The following CD74 variants were observed in gnomAD, a reference collection of about 807,000 sequenced individuals.
CD74 encodes CD74 molecule, also known as HLA class II histocompatibility antigen gamma chain.
CD74 carries 20 observed loss-of-function variants against 37.1 expected under a neutral mutation model. The observed-to-expected ratio is 0.54, with a 90% CI of 0.38 to 0.78. CD74 has a LOEUF of 0.78. CD74 is among the 30% of genes least tolerant of loss of function. CD74 has a pLI of 0.00. For synonymous variants in CD74, 150 were observed against 152.0 expected, an observed-to-expected ratio of 0.99 and a Z score of 0.10; for missense variants, 338 against 389.5, an observed-to-expected ratio of 0.87 and a Z score of 1.11.
chr5:150,404,404 C>G (rs1769822057), intron 6 of CD74: 4 of 446,574 alleles, frequency 9.0e-6, no homozygotes, highest in Non-Finnish European at 1.7e-5. Flanking sequence ...CTGTACCATC[C>G]TCTATGAGAG....
At chr5:150,404,641 C>CTT (rs1165420500) in intron 6 of CD74, 39 bp downstream of exon 6, 2 of 1,369,424 alleles carry the variant, frequency 1.5e-6, no homozygotes, top group African/African-American at 2.9e-5. Flanking sequence ...CCCCGAGGGT[C>CTT]CAGAAGCCCT....
chr5:150,404,629 AGCCCC>A (rs1351329629), intron 6 of CD74, 46 bp downstream of exon 6: 1 of 1,172,906 alleles, frequency 8.5e-7, no homozygotes, highest in African/African-American at 1.5e-5. Flanking sequence ...GCTTCAGGAG[AGCCCC>A]GAGGGTCCAG....
Position 150,412,800 on chromosome 5 carries a change from A to T in CD74, c.-51T>A. On this transcript the variant is annotated 5_prime_UTR_variant, in exon 1 of 9. Transcript: ENST00000009530. ...CTCTTAAAGTCGGTGCTGGAGAGGA[A>T]TCTGATTCGTCCACAGAAGGCCACT... 6 of 1,610,382 alleles carry T rather than the reference A, an allele frequency of 3.7e-6. No individual in the cohort carries two copies. The highest frequency in any genetic ancestry group is 5.1e-6 in the Non-Finnish European group (6 of 1,178,672).
chr5:150,404,204 C>G (rs1769807927), intron 6 of CD74, among the ~76,000 whole-genome samples: 1 of 152,194 alleles, frequency 6.6e-6, no homozygotes, highest in East Asian at 1.9e-4. Context: ...GGGATAGAAA[C>G]AGCACTCTGT....
At chr5:150,412,071 T>C (rs1300064646) in intron 1 of CD74, among the ~76,000 whole-genome samples, 2 of 152,228 alleles carry the variant, frequency 1.3e-5, no homozygotes, top group Non-Finnish European at 2.9e-5. Flanking sequence ...TTGAAGTGAT[T>C]CTCATGTCTC....
chr5:150,405,161 A>G lies in CD74; in HGVS notation c.461T>C (p.Val154Ala), dbSNP rs1769882617. 2.5e-6 allele frequency: 4 copies of G among 1,606,626 alleles called. No homozygotes were observed. The South Asian group carries it at 4.4e-5, about 18-fold the overall frequency. ...HLLQNADPLKVYPPLKGSFPE... is the reference protein window; with the variant it reads ...HLLQNADPLKAYPPLKGSFPE... ...GAAGCTCCCCTTCAGTGGCGGGTAC[A>G]CCTTCAGGGGGTCAGCATTCTACAG... The change falls in exon 5 of 9, where the codon GTG (valine) becomes GCG (alanine). Residue 154 changes from valine to alanine, a missense_variant. Physicochemically the swap from Val to Ala is moderately conservative, Grantham distance 64. Transcript: ENST00000009530.
chr5:150,405,744 T>A (rs928396124), intron 4 of CD74: 1 of 156,864 alleles, frequency 6.4e-6, no homozygotes, highest in East Asian at 1.9e-4. Context: ...ACTTCCAAAC[T>A]TTGAGCCTCA....
intron 1 of CD74, among the ~76,000 whole-genome samples, chr5:150,410,679 TAAAAA>T (rs753661401): frequency 5.0e-4 from 55 of 110,402 alleles, no homozygotes; most frequent in African/African-American, 1.6e-3. Flanking sequence ...CTTCTGCAAT[TAAAAA>T]AAAAAAAAAA....
chr5:150,407,607 T>C lies in CD74; in HGVS notation c.126-283A>G, dbSNP rs977101279. On this transcript the variant is annotated intron_variant, in intron 1 of 8. Coordinates refer to ENST00000009530, the MANE Select transcript of CD74 (RefSeq NM_001025159.3). The surrounding 1 kb of genome is among the most constrained non-coding windows in gnomAD (Gnocchi z 4.4). ...TTGAACAGAGAAGAGCAAAGAGGCATGCTCTTTGTCCTCTCTGGACCTTAG... is the reference window on the plus strand; with the variant it reads ...TTGAACAGAGAAGAGCAAAGAGGCACGCTCTTTGTCCTCTCTGGACCTTAG... 1.3e-5 allele frequency among the ~76,000 whole-genome samples: 2 copies of C among 152,060 alleles called. No individual in the cohort carries two copies. The highest frequency in any genetic ancestry group is 2.9e-5 in the Non-Finnish European group (2 of 68,006).
intron 5 of CD74, 90 bp downstream of exon 5, chr5:150,404,995 C>T: frequency 1.6e-6 from 2 of 1,236,432 alleles, no homozygotes; most frequent in Non-Finnish European, 2.3e-6. Flanking sequence ...CTGAGAATGG[C>T]TTCCCCAGCC....
chr5:150,403,764 CAGG>C lies in CD74; in HGVS notation c.626-455_626-453del, dbSNP rs1176568798. Among the ~76,000 whole-genome samples the C allele has an allele frequency of 2.0e-5, 3 of 152,312 alleles. No individual in the cohort carries two copies. In the East Asian group the frequency reaches 5.8e-4, roughly 29 times the overall value. On this transcript the variant is annotated intron_variant, in intron 6 of 8. Transcript: ENST00000009530. This position sits in a 1 kb window ranked among gnomAD's most constrained non-coding sequence, Gnocchi z 4.5. ...ATCCCAGCTACTCGGGAGGCCGAGG[CAGG>C]AGAATTGCTTGAACCCGGGAGGCTG...
rs1358550927 is a variant in CD74 at position 150,401,915 on chromosome 5, C to T, written c.*325G>A. On this transcript the variant is annotated 3_prime_UTR_variant, in exon 9 of 9. Coordinates refer to ENST00000009530, the MANE Select transcript of CD74 (RefSeq NM_001025159.3). ...GTTATCCCTTCTCCCTGTGCCTTCC[C>T]ATCTCGTCCATGAGCCTAGGTCTTG... The T allele has an allele frequency of 7.5e-6, 6 of 801,242 alleles. No individual in the cohort carries two copies. In the Admixed American group the frequency reaches 8.0e-5, roughly 11 times the overall value. 49.6% of individuals were successfully genotyped at this position (801,242 alleles called of 1,614,324 possible). A position where few individuals can be genotyped will look rare whatever the true frequency, so the allele number is the denominator to read the frequency against.
Position 150,401,851 on chromosome 5 carries a change from A to G in CD74, c.*389T>C. 1 of 678,356 alleles carries G rather than the reference A, an allele frequency of 1.5e-6. No homozygotes were observed. Among genetic ancestry groups the G allele is most frequent in the Non-Finnish European group, 2.7e-6 (1 of 373,698 alleles). 42.0% of individuals were successfully genotyped at this position (678,356 alleles called of 1,614,324 possible). On this transcript the variant is annotated 3_prime_UTR_variant, in exon 9 of 9. Coordinates refer to ENST00000009530, the MANE Select transcript of CD74 (RefSeq NM_001025159.3). ...GCCAAGGCCAAAGGCTGGAGGGGAG[A>G]GGACAGTCAGCATGTCCAGCCTGGG...
chr5:150,404,441 G>T (rs2151175585), intron 6 of CD74: 1 of 526,144 alleles, frequency 1.9e-6, no homozygotes, highest in Non-Finnish European at 3.5e-6. Flanking sequence ...GTGGTGACAG[G>T]CCTCTGTGGG....
At position 150,407,720 on chromosome 5, in the gene CD74, C is replaced by G. The variant is rs1770066677; in HGVS notation, c.126-396G>C. The stretch of plus-strand genomic sequence containing the variant: ...GGATCTCCTGATGATCAGGGCTGCC[C>G]TCAAGGGGAACAGGTTTGGTTTTTG... On this transcript the variant is annotated intron_variant, in intron 1 of 8. Coordinates refer to ENST00000009530, the MANE Select transcript of CD74 (RefSeq NM_001025159.3). This position sits in a 1 kb window ranked among gnomAD's most constrained non-coding sequence, Gnocchi z 4.4. Among the ~76,000 whole-genome samples the G allele has an allele frequency of 6.6e-6, 1 of 152,036 alleles. No individual in the cohort carries two copies. Among genetic ancestry groups the G allele is most frequent in the African/African-American group, 2.4e-5 (1 of 41,360 alleles).
rs566210014 is a variant in CD74, at chr5:150,402,156, G to A, written c.*84C>T. On this transcript the variant is annotated 3_prime_UTR_variant, in exon 9 of 9. Coordinates refer to ENST00000009530, the MANE Select transcript of CD74 (RefSeq NM_001025159.3). The surrounding 1 kb of genome is among the most constrained non-coding windows in gnomAD (Gnocchi z 4.2). ...TGGGATGAGGTACAGGGTGGGAGAT[G>A]GGGGAGGGGCTGGGGGCTGAAGGGA... 1.7e-5 allele frequency: 26 copies of A among 1,557,222 alleles called. No individual in the cohort carries two copies. Among genetic ancestry groups the A allele is most frequent in the Non-Finnish European group, 2.0e-5 (23 of 1,149,960 alleles).
In CD74 at chr5:150,402,120, C is replaced by T. The variant is rs2151165121; in HGVS notation, c.*120G>A. 2 of 1,548,748 alleles carry T rather than the reference C, an allele frequency of 1.3e-6. No individual in the cohort carries two copies. Among genetic ancestry groups the T allele is most frequent in the South Asian group, 1.2e-5 (1 of 83,914 alleles). On this transcript the variant is annotated 3_prime_UTR_variant, in exon 9 of 9. Transcript: ENST00000009530. The surrounding 1 kb of genome is among the most constrained non-coding windows in gnomAD (Gnocchi z 4.2). Reference sequence around the variant, plus strand: ...CCAAGGGTGACGAAAGAGCCAGGCACCAGGGTCTCATGGGATGAGGTACAG... The same window carrying T: ...CCAAGGGTGACGAAAGAGCCAGGCATCAGGGTCTCATGGGATGAGGTACAG...
rs1438366150 is a variant in CD74, at chr5:150,404,754, C to T, written c.551G>A (p.Trp184Ter). 6.3e-7 allele frequency: 1 copy of T among 1,579,798 alleles called. No individual in the cohort carries two copies. The highest frequency in any genetic ancestry group is 8.6e-7 in the Non-Finnish European group (1 of 1,162,004). Residue 184 changes from tryptophan to a stop codon, truncating the protein, a stop_gained, in exon 6 of 9, where the codon TGG becomes TAG. Coordinates refer to ENST00000009530, the MANE Select transcript of CD74 (RefSeq NM_001025159.3). LOFTEE classifies it high-confidence loss of function. ...TTCAAACAGGAGCCAATGGTGCATC[C>T]AGCTCTCAAAGACCTAATACGGATA... ...ETIDWKVFES[W>*]MHHWLLFEMS...
rs1018975073 is a variant in CD74, at chr5:150,402,060, A to G, written c.*180T>C. The G allele has an allele frequency of 1.6e-5, 24 of 1,538,368 alleles. No individual in the cohort carries two copies. Among genetic ancestry groups the G allele is most frequent in the Non-Finnish European group, 1.9e-5 (22 of 1,146,800 alleles). On this transcript the variant is annotated 3_prime_UTR_variant, in exon 9 of 9. Transcript: ENST00000009530. The surrounding 1 kb of genome is among the most constrained non-coding windows in gnomAD (Gnocchi z 4.2). ...AGATTGGGCAGCAGGGCCTTGCTGC[A>G]TTGTTATCTGCTGTTCCGACTTGGT...
Sources: allele counts gnomAD v4.1 joint callset (sites outside exome capture counted in the v4.1 genomes callset), GRCh38; gene constraint gnomAD v4.1.1; non-coding constraint Gnocchi (gnomAD v3.1); transcripts MANE v1.5; gene names NCBI Gene and HGNC (gene_info 2026-07-23, HGNC 2026-07-21).